Variants in SYN1 observed in about 807,000 individuals in gnomAD.
SYN1 encodes synapsin I, also known as synapsin-1.
SYN1 carries 8 observed loss-of-function variants against 44.6 expected under a neutral mutation model. That is an observed-to-expected ratio of 0.18 (90% CI 0.11 to 0.32). SYN1 has a LOEUF of 0.32. Among genes scored for constraint, SYN1 ranks in the 10% least tolerant of loss-of-function variants. The pLI is 1.00. For synonymous variants in SYN1, 275 were observed against 280.1 expected (o/e 0.98, Z 0.18); for missense variants, 451 against 639.4 (o/e 0.71, Z 3.18).
intron 6 of SYN1, 111 bp from the exon 7 acceptor site, chrX:47,576,751 A>G (rs967730008): frequency 9.8e-7 from 1 of 1,021,386 alleles, no homozygotes; most frequent in East Asian, 3.2e-5. Flanking sequence ...CGAGTACACA[A>G]AAATTAGGTG....
intron 5 of SYN1, among the ~76,000 whole-genome samples, chrX:47,597,853 T>G (rs974452817): frequency 2.7e-5 from 3 of 112,079 alleles, no homozygotes; most frequent in Admixed American, 9.5e-5. Flanking sequence ...ATTAGAAATC[T>G]TGAAGTCAGA....
intron 5 of SYN1, among the ~76,000 whole-genome samples, chrX:47,592,141 G>A (rs1274505988): frequency 9.0e-6 from 1 of 111,106 alleles, no homozygotes; most frequent in Admixed American, 9.6e-5. Context: ...AGGAGTTTGA[G>A]ACCAACCTAG....
chrX:47,619,595 C>T lies in SYN1; in HGVS notation c.134G>A (p.Gly45Asp). 1 of 1,159,838 alleles carries T rather than the reference C, an allele frequency of 8.6e-7. No homozygotes were observed. Among genetic ancestry groups the T allele is most frequent in the South Asian group, 1.9e-5 (1 of 52,392 alleles). The change falls in exon 1 of 13, where the codon GGT (glycine) becomes GAT (aspartate). Residue 45 changes from glycine (G) to aspartate (D), a missense_variant. Gly to Asp is a moderately conservative substitution (Grantham distance 94). Around this residue, in one of 3 missense-constraint regions of SYN1, gnomAD observed 315 missense variants for 451.4 expected, o/e 0.70. Transcript: ENST00000295987. ...CCTCTCGGCAGTGGCGGTCCCGGGA[C>T]CGGGCGTGGCTCCGGGGCTGTGGGC... ...PGAHSPGATP[G>D]PGTATAERSS...
At chrX:47,577,289 G>T in intron 6 of SYN1, 150 bp downstream of exon 6, 1 of 574,915 alleles carries the variant, frequency 1.7e-6, no homozygotes, top group Non-Finnish European at 2.9e-6. Flanking sequence ...AAGTAATTGT[G>T]GTTTTTACCA....
chrX:47,578,181 C>T (rs2057784081), intron 5 of SYN1, among the ~76,000 whole-genome samples: 1 of 110,473 alleles, frequency 9.1e-6, no homozygotes, highest in Non-Finnish European at 1.9e-5. Flanking sequence ...ACAATCAATA[C>T]TTGGGCACAC....
intron 1 of SYN1, among the ~76,000 whole-genome samples, chrX:47,615,458 A>G (rs1462345697): frequency 1.8e-5 from 2 of 112,347 alleles, no homozygotes; most frequent in Non-Finnish European, 3.8e-5. Flanking sequence ...TACATTACAG[A>G]TTGTATATCT....
chrX:47,605,050 T>C lies in SYN1; in HGVS notation c.702A>G (p.Arg234=). The change falls in exon 5 of 13, where the codon CGA becomes CGG. Residue 234 remains arginine, a synonymous_variant. Transcript: ENST00000295987. The part of the protein sequence containing the change: ...DKPWVFAQMV[R]LHKKLGTEEF... ...CTTCTGTCCCCAGTTTCTTATGCAG[T>C]CGAACCATCTGGGCAAACTATGAGA... 1 of 1,211,532 alleles carries C rather than the reference T, an allele frequency of 8.3e-7. No individual in the cohort carries two copies. The highest frequency in any genetic ancestry group is 1.1e-6 in the Non-Finnish European group (1 of 895,245).
chrX:47,589,420 T>C (rs374706857), intron 5 of SYN1, among the ~76,000 whole-genome samples: 119 of 106,969 alleles, frequency 1.1e-3, no homozygotes, highest in East Asian at 8.8e-3. Flanking sequence ...GGTGAAACCC[T>C]GTCTCTACTA....
intron 5 of SYN1, among the ~76,000 whole-genome samples, chrX:47,579,802 C>T (rs1244850412): frequency 9.1e-6 from 1 of 110,292 alleles, no homozygotes; most frequent in Non-Finnish European, 1.9e-5. Context: ...TCATAATCAG[C>T]TCCTACAGAT....
At position 47,574,905 on chromosome X, in the gene SYN1, G is replaced by A; in HGVS notation, c.1306-130C>T. 9 of 714,018 alleles carry A rather than the reference G, an allele frequency of 1.3e-5. No homozygotes were observed. In the South Asian group the frequency reaches 2.1e-4, roughly 17 times the overall value. The allele number at this position is 714,018 out of a possible 1,213,427, so 58.8% of individuals were successfully genotyped here. A position where few individuals can be genotyped will look rare whatever the true frequency, so the allele number is the denominator to read the frequency against. ...TGTGGCTGAGCTGAGGGTACTCTGG[G>A]TTGTGGGGTGGGGGACCTGTTCCCA... On this transcript the variant is annotated intron_variant, in intron 10 of 12. Transcript: ENST00000295987.
At position 47,589,326 on chromosome X, in the gene SYN1, G is replaced by T. The variant is rs563136042; in HGVS notation, c.775-11825C>A. ...AAAAAAAAAAAGGCCGGGCATGGTG[G>T]CTTACGCCTGTAATCCCAGCAATTT... On this transcript the variant is annotated intron_variant, in intron 5 of 12. Coordinates refer to ENST00000295987, the MANE Select transcript of SYN1 (RefSeq NM_006950.3). Among the ~76,000 whole-genome samples, 21 of 104,533 alleles carry T rather than the reference G, an allele frequency of 2.0e-4. No individual in the cohort carries two copies. The South Asian group carries it at 8.8e-3, about 44-fold the overall frequency. 90.8% of individuals were successfully genotyped at this position (104,533 alleles called of 115,157 possible).
At chrX:47,585,093 G>A in intron 5 of SYN1, 2 of 1,172,494 alleles carry the variant, frequency 1.7e-6, no homozygotes, top group Non-Finnish European at 2.3e-6. Flanking sequence ...CTGGCCACTG[G>A]TTGGTGCGAG....
chrX:47,616,592 G>A (rs766987345), intron 1 of SYN1, among the ~76,000 whole-genome samples: 1 of 111,769 alleles, frequency 8.9e-6, no homozygotes, highest in South Asian at 3.7e-4. Flanking sequence ...ACTTAACCAG[G>A]AAGATAACAC....
chrX:47,599,994 A>G (rs1208656571), intron 5 of SYN1, among the ~76,000 whole-genome samples: 1 of 112,493 alleles, frequency 8.9e-6, no homozygotes, highest in East Asian at 2.8e-4. Flanking sequence ...AGATAAAGAA[A>G]AATATTTTAT....
At chrX:47,595,282 G>A (rs2057860820) in intron 5 of SYN1, among the ~76,000 whole-genome samples, 1 of 111,976 alleles carries the variant, frequency 8.9e-6, no homozygotes, top group Non-Finnish European at 1.9e-5. Context: ...GTTTCCCTGA[G>A]TTCCATGAGC....
At chrX:47,603,058 A>C (rs192384604) in intron 5 of SYN1, among the ~76,000 whole-genome samples, 139 of 111,651 alleles carry the variant, frequency 1.2e-3, no homozygotes, top group African/African-American at 4.3e-3. Flanking sequence ...ATTAGTAATT[A>C]TTTCTATTAG....
intron 3 of SYN1, among the ~76,000 whole-genome samples, chrX:47,605,665 G>A (rs1397480781): frequency 9.0e-6 from 1 of 110,890 alleles, no homozygotes; most frequent in Non-Finnish European, 1.9e-5. Flanking sequence ...CTCTCAGACT[G>A]CAAGCTGTCT....
intron 1 of SYN1, among the ~76,000 whole-genome samples, chrX:47,607,706 C>T (rs1209857674): frequency 1.1e-5 from 1 of 94,967 alleles, no homozygotes; most frequent in East Asian, 3.2e-4. Context: ...TAGAGAGACC[C>T]CCATCTCTAC....
intron 1 of SYN1, among the ~76,000 whole-genome samples, chrX:47,607,800 G>A (rs1267988064): frequency 9.2e-6 from 1 of 108,976 alleles, no homozygotes; most frequent in East Asian, 2.9e-4. Flanking sequence ...GAGAGGCCAA[G>A]GCGGGTGGAT....
Sources: allele counts gnomAD v4.1 joint callset (sites outside exome capture counted in the v4.1 genomes callset), GRCh38; gene constraint gnomAD v4.1.1; regional missense constraint gnomAD v4.1.1; transcripts MANE v1.5; gene names NCBI Gene and HGNC (gene_info 2026-07-23, HGNC 2026-07-21).